ANP32B: variants seen among roughly 807,000 people sequenced by gnomAD.
The protein encoded by ANP32B is acidic leucine-rich nuclear phosphoprotein 32 family member B.
In ANP32B, 6 loss-of-function variants were observed where a neutral mutation model predicts 32.2. That is an observed-to-expected ratio of 0.19 (90% confidence interval 0.10 to 0.37). The LOEUF (loss-of-function observed/expected upper bound fraction) is 0.37, where lower values mean the gene tolerates loss of function less well. Ranked by LOEUF, ANP32B falls within the 10% of genes least tolerant of loss-of-function variation. The probability of loss-of-function intolerance (pLI) is 1.00; values close to 1 mark genes in which losing one functional copy is unlikely to be tolerated. For missense variants in ANP32B, 204 were observed against 289.2 expected, an observed-to-expected ratio of 0.71 and a Z score of 2.14; for synonymous variants, 98 against 105.8, an observed-to-expected ratio of 0.93 and a Z score of 0.45.
chr9:98,013,697 G>A (rs1417977949), intron 6 of ANP32B, among the ~76,000 whole-genome samples: 1 of 152,020 alleles, frequency 6.6e-6, no homozygotes, highest in Non-Finnish European at 1.5e-5. Context: ...TCAGGAGTTC[G>A]AGAGCAGCCT....
intron 1 of ANP32B, among the ~76,000 whole-genome samples, chr9:97,989,154 A>C (rs931724299): frequency 3.3e-5 from 5 of 152,166 alleles, no homozygotes; most frequent in African/African-American, 1.2e-4. Context: ...TCATAACTTA[A>C]AGAAGGACCT....
At chr9:98,012,365 T>C (rs1828200287) in intron 5 of ANP32B, 56 bp from the exon 6 acceptor site, 1 of 1,590,100 alleles carries the variant, frequency 6.3e-7, no homozygotes, top group East Asian at 2.2e-5. Context: ...TTGTACTATA[T>C]GCACTTTTCA....
At chr9:98,010,149 A>C (rs1587880837) in intron 4 of ANP32B, among the ~76,000 whole-genome samples, 2 of 152,184 alleles carry the variant, frequency 1.3e-5, no homozygotes, top group East Asian at 3.9e-4. Context: ...TGGGTCAGCC[A>C]ACAAATACTT....
At chr9:97,984,206 G>C (rs974682635) in intron 1 of ANP32B, among the ~76,000 whole-genome samples, 4 of 150,610 alleles carry the variant, frequency 2.7e-5, no homozygotes, top group African/African-American at 9.7e-5. Context: ...GCGCCTGGAG[G>C]CCTGGGCGGG....
intron 4 of ANP32B, 35 bp from the exon 5 acceptor site, chr9:98,011,236 G>C: frequency 6.5e-7 from 1 of 1,548,786 alleles, no homozygotes; most frequent in Non-Finnish European, 8.7e-7. Context: ...GGAGCGTCGA[G>C]GATATTTAAT....
At chr9:97,988,956 T>C (rs1227174168) in intron 1 of ANP32B, among the ~76,000 whole-genome samples, 6 of 152,200 alleles carry the variant, frequency 3.9e-5, no homozygotes, top group Admixed American at 3.9e-4. Flanking sequence ...CTTTCCTCCT[T>C]TTATGGCAGA....
Position 98,009,838 on chromosome 9 carries a change from G to A in ANP32B, c.518-1433G>A, listed in dbSNP as rs112915767. On this transcript the variant is annotated intron_variant, in intron 4 of 6. Coordinates refer to ENST00000339399, the MANE Select transcript of ANP32B (RefSeq NM_006401.3). ...AATAGAGGAGGAAAAGCATCAAGGA[G>A]TTTGGGTGCAGTTAATGGTATAATT... 9.6e-3 allele frequency among the ~76,000 whole-genome samples: 1,465 copies of A among 152,358 alleles called. 14 individuals are homozygous for A. The highest frequency in any genetic ancestry group is 0.015 in the Non-Finnish European group (993 of 68,030).
chr9:98,010,330 C>G (rs1253510447), intron 4 of ANP32B, among the ~76,000 whole-genome samples: 1 of 147,504 alleles, frequency 6.8e-6, no homozygotes, highest in Non-Finnish European at 1.5e-5. Context: ...CACTTGTAAT[C>G]CCAACACTTG....
chr9:98,002,312 A>G (rs546524723), intron 3 of ANP32B: 4 of 152,282 alleles, frequency 2.6e-5, no homozygotes, highest in African/African-American at 7.2e-5. Context: ...CATCAATTCA[A>G]ACTTCCTTGG....
intron 2 of ANP32B, among the ~76,000 whole-genome samples, chr9:97,995,401 T>C (rs1378098298): frequency 3.3e-5 from 5 of 152,230 alleles, no homozygotes; most frequent in African/African-American, 4.8e-5. Context: ...AGATATGTGG[T>C]TATATAAGTC....
chr9:97,987,685 A>G (rs1054326713), intron 1 of ANP32B: 1 of 152,210 alleles, frequency 6.6e-6, no homozygotes, highest in African/African-American at 2.4e-5. Context: ...CTTGCAGTCT[A>G]TGCACCTGCG....
In ANP32B at chr9:97,999,438, G is replaced by A. The variant is rs907268063; in HGVS notation, c.327+760G>A. Among the ~76,000 whole-genome samples the A allele has an allele frequency of 9.8e-5, 15 of 152,288 alleles. 1 individual carries two copies. The South Asian group carries it at 2.7e-3, about 27-fold the overall frequency. ...ACAGCTCTATTTTAAGCTTTGGGTCGTGTAATTCATGATCTTGTGTTCTAG... is the reference window on the plus strand; with the variant it reads ...ACAGCTCTATTTTAAGCTTTGGGTCATGTAATTCATGATCTTGTGTTCTAG... On this transcript the variant is annotated intron_variant, in intron 3 of 6. Transcript: ENST00000339399.
At chr9:98,010,118 G>C (rs757710354) in intron 4 of ANP32B, among the ~76,000 whole-genome samples, 5 of 152,038 alleles carry the variant, frequency 3.3e-5, no homozygotes, top group Non-Finnish European at 7.4e-5. Flanking sequence ...GAAGGTGGGG[G>C]GCAGTTCCTG....
At chr9:97,992,772 C>T (rs902034026) in intron 1 of ANP32B, among the ~76,000 whole-genome samples, 3 of 152,138 alleles carry the variant, frequency 2.0e-5, no homozygotes, top group Non-Finnish European at 4.4e-5. Flanking sequence ...TTGTAAAAAA[C>T]TTAGTACAGA....
At chr9:97,999,174 G>A (rs1827951313) in intron 3 of ANP32B, among the ~76,000 whole-genome samples, 1 of 152,198 alleles carries the variant, frequency 6.6e-6, no homozygotes, top group South Asian at 2.1e-4. Flanking sequence ...CTAATTAGAT[G>A]TATTTCTGTG....
intron 3 of ANP32B, among the ~76,000 whole-genome samples, chr9:98,004,677 A>G (rs2131588925): frequency 6.6e-6 from 1 of 152,344 alleles, no homozygotes; most frequent in South Asian, 2.1e-4. Context: ...TCATACTGTG[A>G]AAATACCTGG....
chr9:97,983,488 C>G lies in ANP32B; in HGVS notation c.-68C>G. ...TTCCGACGGCCCTCGCTGCGCAAGC[C>G]GGGACGCCTCTCCCCCCTCCGCCCC... is the stretch of plus-strand genomic sequence containing the variant. On this transcript the variant is annotated 5_prime_UTR_variant, in exon 1 of 7. Coordinates refer to ENST00000339399, the MANE Select transcript of ANP32B (RefSeq NM_006401.3). The G allele has an allele frequency of 7.1e-7, 1 of 1,403,432 alleles. No individual in the cohort carries two copies. The highest frequency in any genetic ancestry group is 9.8e-7 in the Non-Finnish European group (1 of 1,024,830). 86.9% of individuals were successfully genotyped at this position (1,403,432 alleles called of 1,614,324 possible).
chr9:97,991,327 T>G (rs1386740656), intron 1 of ANP32B, among the ~76,000 whole-genome samples: 3 of 151,976 alleles, frequency 2.0e-5, no homozygotes, highest in Non-Finnish European at 4.4e-5. Context: ...GTTGCCCAGG[T>G]GACTCTTGGA....
Position 98,013,583 on chromosome 9 carries a change from C to T in ANP32B, c.688+1111C>T, listed in dbSNP as rs920297813. On this transcript the variant is annotated intron_variant, in intron 6 of 6. Transcript: ENST00000339399. ...AGTATGCCAGCCTGGACAACATAGACCCTGTCTGTACAGAAAATTAAAAAG... is the reference window on the plus strand; with the variant it reads ...AGTATGCCAGCCTGGACAACATAGATCCTGTCTGTACAGAAAATTAAAAAG... 2.4e-4 allele frequency among the ~76,000 whole-genome samples: 37 copies of T among 151,830 alleles called. 1 individual carries two copies. Among genetic ancestry groups the T allele is most frequent in the Admixed American group, 2.4e-3 (36 of 15,236 alleles).
Sources: allele counts gnomAD v4.1 joint callset (sites outside exome capture counted in the v4.1 genomes callset), GRCh38; gene constraint gnomAD v4.1.1; transcripts MANE v1.5; gene names NCBI Gene and HGNC (gene_info 2026-07-23, HGNC 2026-07-21).